Variants in DTNA observed in about 807,000 individuals in gnomAD.
The protein encoded by DTNA is dystrophin-related protein 3.
Under a neutral mutation model 100.7 loss-of-function variants are expected in DTNA, and 43 were observed. The observed-to-expected ratio is 0.43, with a 90% CI of 0.33 to 0.55. DTNA has a LOEUF of 0.55. DTNA is among the 20% of genes least tolerant of loss of function. DTNA has a pLI of 0.04. For synonymous variants in DTNA, 349 were observed against 347.9 expected, an observed-to-expected ratio of 1.00 and a Z score of -0.04; for missense variants, 798 against 953.9, an observed-to-expected ratio of 0.84 and a Z score of 2.15.
intron 1 of DTNA, among the ~76,000 whole-genome samples, chr18:34,736,059 G>C (rs965619507): frequency 2.0e-5 from 3 of 152,246 alleles, no homozygotes; most frequent in East Asian, 1.9e-4. Context: ...AATATACCTA[G>C]AGGACGTCTA....
intron 1 of DTNA, among the ~76,000 whole-genome samples, chr18:34,556,146 A>G (rs1005106919): frequency 2.0e-5 from 3 of 150,316 alleles, no homozygotes; most frequent in Middle Eastern, 3.2e-3. Context: ...GTCTCTTTTG[A>G]TCTTTGTTGG....
Position 34,727,434 on chromosome 18 carries a change from G to A in DTNA, c.-2+16989G>A, listed in dbSNP as rs138244222. On this transcript the variant is annotated intron_variant, in intron 1 of 22. Coordinates refer to ENST00000444659, the MANE Select transcript of DTNA (RefSeq NM_001386795.1). ...CTGATCCCAGTATTATAATATCCTT[G>A]TGAATCAAGGATATTGATTCACAGT... Among the ~76,000 whole-genome samples, 5 of 152,172 alleles carry A rather than the reference G, an allele frequency of 3.3e-5. No individual in the cohort carries two copies. The East Asian group carries it at 9.7e-4, about 29-fold the overall frequency.
intron 3 of DTNA, among the ~76,000 whole-genome samples, chr18:34,781,564 A>C (rs1037860409): frequency 1.3e-5 from 2 of 152,096 alleles, no homozygotes; most frequent in Non-Finnish European, 2.9e-5. Context: ...GGATGACCTC[A>C]CTCAAGATAC....
chr18:34,683,568 A>T (rs2078425795), intron 1 of DTNA: 1 of 152,108 alleles, frequency 6.6e-6, no homozygotes, highest in Non-Finnish European at 1.5e-5. Context: ...AACAATTTTC[A>T]TCTATTCAAC....
At chr18:34,765,863 G>C in intron 2 of DTNA, 98 bp from the exon 3 acceptor site, 1 of 1,116,808 alleles carries the variant, frequency 9.0e-7, no homozygotes, top group Non-Finnish European at 1.3e-6. Context: ...AATAAAATTA[G>C]GGGTAAGGAT....
intron 1 of DTNA, among the ~76,000 whole-genome samples, chr18:34,570,611 C>G (rs2218093): frequency 0.083 from 12,699 of 152,116 alleles, 663 homozygotes; most frequent in African/African-American, 0.14. Context: ...TTTTAAAAAC[C>G]ACATTCTGAA....
intron 1 of DTNA, among the ~76,000 whole-genome samples, chr18:34,524,720 A>C (rs1357305851): frequency 6.6e-6 from 1 of 152,154 alleles, no homozygotes; most frequent in Non-Finnish European, 1.5e-5. Context: ...CAGAGAAATT[A>C]TAATTTTTAA....
chr18:34,771,724 GA>G lies in DTNA; in HGVS notation c.148+5685del, dbSNP rs533975608. On this transcript the variant is annotated intron_variant, in intron 3 of 22. Coordinates refer to ENST00000444659, the MANE Select transcript of DTNA (RefSeq NM_001386795.1). ...TCTAGGAGGAATGGAGCAGAACAAA[GA>G]ATACAAATAATATTTTAAATAATCC... 4.2e-4 allele frequency among the ~76,000 whole-genome samples: 64 copies of G among 152,214 alleles called. No homozygotes were observed. The South Asian group carries it at 0.013, about 32-fold the overall frequency.
intron 1 of DTNA, among the ~76,000 whole-genome samples, chr18:34,731,747 T>G (rs1026499589): frequency 2.0e-5 from 3 of 152,224 alleles, no homozygotes; most frequent in Non-Finnish European, 4.4e-5. Context: ...TTTACCTGTG[T>G]GTCACCAGTG....
chr18:34,711,439 A>G (rs149862697), intron 1 of DTNA, among the ~76,000 whole-genome samples: 2,377 of 152,334 alleles, frequency 0.016, 56 homozygotes, highest in African/African-American at 0.054. Flanking sequence ...TTCCTCTTAG[A>G]ACAAAGCTGT....
At chr18:34,811,882 T>C (rs2095493718) in intron 5 of DTNA, 77 bp from the exon 6 acceptor site, 5 of 1,555,944 alleles carry the variant, frequency 3.2e-6, no homozygotes, top group Non-Finnish European at 4.4e-6. Context: ...TTTTTGTCAT[T>C]TGTAGCAGAT....
intron 1 of DTNA, among the ~76,000 whole-genome samples, chr18:34,645,558 T>C (rs2059738198): frequency 1.3e-5 from 2 of 152,044 alleles, no homozygotes; most frequent in African/African-American, 4.8e-5. Flanking sequence ...TATAAATCCA[T>C]ATAGAAGATA....
At chr18:34,854,885 T>C (rs1260746484) in intron 15 of DTNA, among the ~76,000 whole-genome samples, 3 of 152,228 alleles carry the variant, frequency 2.0e-5, no homozygotes, top group Admixed American at 1.3e-4. Flanking sequence ...TGTACAAATA[T>C]AGTTTCATTT....
chr18:34,786,456 A>G (rs1240022647), intron 3 of DTNA, among the ~76,000 whole-genome samples: 1 of 152,148 alleles, frequency 6.6e-6, no homozygotes, highest in African/African-American at 2.4e-5. Context: ...AACTGAATGC[A>G]TTTTCAGGAG....
intron 1 of DTNA, among the ~76,000 whole-genome samples, chr18:34,512,906 T>C (rs1243576294): frequency 6.6e-6 from 1 of 152,072 alleles, no homozygotes; most frequent in Non-Finnish European, 1.5e-5. Flanking sequence ...CATTGTGGAA[T>C]ACAAATTAGC....
At chr18:34,613,805 A>G (rs1345739256) in intron 1 of DTNA, among the ~76,000 whole-genome samples, 2 of 152,262 alleles carry the variant, frequency 1.3e-5, no homozygotes, top group African/African-American at 4.8e-5. Flanking sequence ...GAACAAGGTG[A>G]AGTACCAAGT....
chr18:34,687,469 C>A (rs1207111625), intron 1 of DTNA, among the ~76,000 whole-genome samples: 1 of 152,152 alleles, frequency 6.6e-6, no homozygotes. Context: ...GTTTCTTAAT[C>A]CTGAGTTCTA....
intron 1 of DTNA, among the ~76,000 whole-genome samples, chr18:34,589,729 T>C (rs1304065110): frequency 6.6e-6 from 1 of 152,238 alleles, no homozygotes; most frequent in African/African-American, 2.4e-5. Context: ...TACGCTTAAC[T>C]ATATAACTCT....
chr18:34,508,351 T>C (rs1019720921), intron 1 of DTNA, among the ~76,000 whole-genome samples: 14 of 152,180 alleles, frequency 9.2e-5, no homozygotes, highest in African/African-American at 3.4e-4. Context: ...TTAATCATTG[T>C]CATTACTACA....
Sources: allele counts gnomAD v4.1 joint callset (sites outside exome capture counted in the v4.1 genomes callset), GRCh38; gene constraint gnomAD v4.1.1; transcripts MANE v1.5; gene names NCBI Gene and HGNC (gene_info 2026-07-23, HGNC 2026-07-21).